Variants in AUTS2 observed in about 807,000 individuals in gnomAD.
AUTS2 encodes activator of transcription and developmental regulator AUTS2.
Under a neutral mutation model 112.4 loss-of-function variants are expected in AUTS2, and 17 were observed. That is an observed-to-expected ratio of 0.15 (90% CI 0.10 to 0.23). The LOEUF is 0.23. Ranked by LOEUF, AUTS2 falls within the 10% of genes least tolerant of loss-of-function variation. The pLI, the probability that AUTS2 is intolerant of heterozygous loss-of-function variation, is 1.00. For missense variants in AUTS2, 1,510 were observed against 1,701.6 expected, an observed-to-expected ratio of 0.89 and a Z score of 1.98; for synonymous variants, 751 against 702.7, an observed-to-expected ratio of 1.07 and a Z score of -1.09.
chr7:70,629,876 A>G (rs1354839988), intron 5 of AUTS2, among the ~76,000 whole-genome samples: 1 of 151,722 alleles, frequency 6.6e-6, no homozygotes, highest in Non-Finnish European at 1.5e-5. Context: ...ATATTTGCCT[A>G]TTGGATTTGT....
intron 5 of AUTS2, among the ~76,000 whole-genome samples, chr7:70,671,772 G>T (rs1183744192): frequency 6.6e-6 from 1 of 152,232 alleles, no homozygotes; most frequent in Non-Finnish European, 1.5e-5. Context: ...TGGCTAACCT[G>T]TCTCTTTGCG....
chr7:70,197,316 G>A (rs1410656355), intron 4 of AUTS2, among the ~76,000 whole-genome samples: 1 of 152,136 alleles, frequency 6.6e-6, no homozygotes, highest in African/African-American at 2.4e-5. Flanking sequence ...ACACTGGAAA[G>A]AAGTTTACGG....
At chr7:70,507,103 G>T (rs1798994987) in intron 5 of AUTS2, among the ~76,000 whole-genome samples, 1 of 152,140 alleles carries the variant, frequency 6.6e-6, no homozygotes, top group Non-Finnish European at 1.5e-5. Context: ...AAGGCAATAT[G>T]GTAAGAACCT....
chr7:70,655,281 G>C (rs948972929), intron 5 of AUTS2, among the ~76,000 whole-genome samples: 2 of 152,236 alleles, frequency 1.3e-5, no homozygotes, highest in African/African-American at 4.8e-5. Context: ...CTCACAGGAA[G>C]AGTGTTTCCC....
intron 2 of AUTS2, among the ~76,000 whole-genome samples, chr7:70,079,291 T>C (rs1034247092): frequency 1.3e-5 from 2 of 152,152 alleles, no homozygotes; most frequent in Non-Finnish European, 2.9e-5. Flanking sequence ...TTTTCAAGAA[T>C]TTTGTGAGCT....
At chr7:70,322,717 TGA>T (rs1274333570) in intron 4 of AUTS2, among the ~76,000 whole-genome samples, 1 of 152,210 alleles carries the variant, frequency 6.6e-6, no homozygotes, top group Non-Finnish European at 1.5e-5. Context: ...CCCATTTTGT[TGA>T]GAGAGGCAGT....
chr7:70,170,458 T>G (rs1446404923), intron 4 of AUTS2, among the ~76,000 whole-genome samples: 1 of 152,178 alleles, frequency 6.6e-6, no homozygotes, highest in East Asian at 1.9e-4. Flanking sequence ...CCTAAATATA[T>G]TAATAAGTTT....
chr7:70,698,441 G>A, intron 5 of AUTS2, 128 bp from the exon 6 acceptor site: 1 of 738,822 alleles, frequency 1.4e-6, no homozygotes, highest in Non-Finnish European at 2.2e-6. Context: ...GATGATTTGG[G>A]GACATTGCTG....
chr7:70,440,238 A>G (rs1240947991), intron 5 of AUTS2, among the ~76,000 whole-genome samples: 1 of 151,632 alleles, frequency 6.6e-6, no homozygotes. Context: ...AAAAAAAAAA[A>G]AAAAAAAAAA....
intron 4 of AUTS2, among the ~76,000 whole-genome samples, chr7:70,401,690 G>A (rs1794333006): frequency 6.6e-6 from 1 of 152,208 alleles, no homozygotes; most frequent in African/African-American, 2.4e-5. Context: ...AGGCTGCAGA[G>A]GTGGGAGGAG....
intron 2 of AUTS2, among the ~76,000 whole-genome samples, chr7:69,942,557 C>A (rs1385260503): frequency 6.6e-6 from 1 of 152,094 alleles, no homozygotes; most frequent in Non-Finnish European, 1.5e-5. Context: ...GGAAAGAAAG[C>A]CCGCTATTAA....
intron 5 of AUTS2, among the ~76,000 whole-genome samples, chr7:70,479,904 G>A (rs975757457): frequency 1.2e-4 from 19 of 152,210 alleles, no homozygotes; most frequent in Admixed American, 8.5e-4. Context: ...ACAGATAGAC[G>A]ATAACGAGGG....
intron 5 of AUTS2, among the ~76,000 whole-genome samples, chr7:70,557,044 G>GGGAGCAGTCAGATCTGATGC (rs1801277804): frequency 6.6e-6 from 1 of 152,164 alleles, no homozygotes; most frequent in African/African-American, 2.4e-5. Flanking sequence ...GTGGCCATTG[G>GGGAGCAGTCAGATCTGATGC]TGTAGTTTTC....
intron 15 of AUTS2, chr7:70,783,455 A>G (rs1216116009): frequency 6.6e-6 from 1 of 152,222 alleles, no homozygotes; most frequent in Non-Finnish European, 1.5e-5. Flanking sequence ...CAAAACATAA[A>G]TCGAGTTAAC....
intron 1 of AUTS2, among the ~76,000 whole-genome samples, chr7:69,654,035 G>T (rs1372366667): frequency 1.3e-5 from 2 of 152,206 alleles, no homozygotes; most frequent in Non-Finnish European, 2.9e-5. Context: ...TGTGCTAATA[G>T]TTCTCAGATG....
At chr7:70,682,484 G>A (rs1808260114) in intron 5 of AUTS2, among the ~76,000 whole-genome samples, 1 of 152,142 alleles carries the variant, frequency 6.6e-6, no homozygotes, top group South Asian at 2.1e-4. Flanking sequence ...TTTTTTTGTT[G>A]TTGCCGTGAT....
intron 2 of AUTS2, among the ~76,000 whole-genome samples, chr7:69,917,437 T>G (rs775091754): frequency 6.8e-6 from 1 of 146,036 alleles, no homozygotes; most frequent in South Asian, 2.1e-4. Context: ...ATGTGAGAAA[T>G]GTAGTCCTAC....
chr7:70,633,069 CCATGGGG>C (rs1563089697), intron 5 of AUTS2, among the ~76,000 whole-genome samples: 16 of 152,168 alleles, frequency 1.1e-4, no homozygotes, highest in Non-Finnish European at 1.9e-4. Context: ...CATCCATGCC[CCATGGGG>C]TAGAGGGCAA....
chr7:70,280,212 TC>T (rs1451313319), intron 4 of AUTS2, among the ~76,000 whole-genome samples: 3 of 152,054 alleles, frequency 2.0e-5, no homozygotes, highest in Non-Finnish European at 4.4e-5. Flanking sequence ...TCCTCTACTC[TC>T]TTCATGAGCC....
Sources: gnomAD v4.1 joint callset for allele counts (sites outside exome capture counted in the v4.1 genomes callset) on GRCh38, gnomAD v4.1.1 for gene constraint, MANE v1.5 for transcripts, NCBI Gene and HGNC (gene_info 2026-07-23, HGNC 2026-07-21) for gene names.